The following TINAG variants were observed in gnomAD, a reference collection of about 807,000 sequenced individuals.
The protein encoded by TINAG is tubulointerstitial nephritis antigen.
TINAG carries 83 observed loss-of-function variants against 72.7 expected under a neutral mutation model. That is an observed-to-expected ratio of 1.14 (90% CI 0.96 to 1.37). The LOEUF is 1.37. TINAG is among the 40% of genes most tolerant of loss of function. TINAG has a pLI of 0.00. For synonymous variants in TINAG, 234 were observed against 189.9 expected, an observed-to-expected ratio of 1.23 and a Z score of -1.91; for missense variants, 685 against 576.6, an observed-to-expected ratio of 1.19 and a Z score of -1.93.
intron 4 of TINAG, among the ~76,000 whole-genome samples, chr6:54,333,843 T>C (rs1254461569): frequency 1.3e-5 from 2 of 152,144 alleles, no homozygotes; most frequent in Non-Finnish European, 2.9e-5. Context: ...ATAAAATAAA[T>C]GTTAGTATCT....
chr6:54,310,030 A>G (rs980475861), intron 1 of TINAG, among the ~76,000 whole-genome samples: 6 of 148,498 alleles, frequency 4.0e-5, no homozygotes, highest in Non-Finnish European at 7.5e-5. Flanking sequence ...CCCTCCCTCC[A>G]CACCTCCATC....
chr6:54,366,245 C>T (rs544927361), intron 9 of TINAG, among the ~76,000 whole-genome samples: 122 of 144,028 alleles, frequency 8.5e-4, no homozygotes, highest in African/African-American at 2.9e-3. Flanking sequence ...TATGCGTACA[C>T]GTACGTGTAT....
chr6:54,371,985 T>TTTTTTTTTTGTTTTTTTTTTTG (rs1763627661), intron 9 of TINAG, among the ~76,000 whole-genome samples: 5 of 83,416 alleles, frequency 6.0e-5, no homozygotes, highest in African/African-American at 2.7e-4. Flanking sequence ...AGTCATGTTT[T>TTTTTTTTTTGTTTTTTTTTTTG]TTTTTTTTTT....
intron 9 of TINAG, among the ~76,000 whole-genome samples, chr6:54,362,173 C>T (rs1763257552): frequency 6.6e-6 from 1 of 151,694 alleles, no homozygotes. Flanking sequence ...GTGGGTGAAA[C>T]AGTCTTCTAT....
chr6:54,332,381 T>C (rs1784762327), intron 4 of TINAG, among the ~76,000 whole-genome samples: 1 of 152,148 alleles, frequency 6.6e-6, no homozygotes, highest in Admixed American at 6.5e-5. Context: ...GATTCCCTAT[T>C]TAATAAATGG....
chr6:54,310,075 C>CTGTGTGTG (rs1403055772), intron 1 of TINAG, among the ~76,000 whole-genome samples: 15 of 47,266 alleles, frequency 3.2e-4, no homozygotes, highest in African/African-American at 7.9e-4. Context: ...CCTTTTTTTT[C>CTGTGTGTG]CGTGTGTGTG....
At chr6:54,385,531 A>G (rs367667120) in intron 10 of TINAG, among the ~76,000 whole-genome samples, 1 of 152,144 alleles carries the variant, frequency 6.6e-6, no homozygotes, top group Non-Finnish European at 1.5e-5. Flanking sequence ...ATTCAGGCTC[A>G]AAAGACTTCA....
intron 9 of TINAG, among the ~76,000 whole-genome samples, chr6:54,365,898 T>C (rs2150970934): frequency 6.6e-6 from 1 of 151,602 alleles, no homozygotes; most frequent in East Asian, 2.0e-4. Context: ...GGTGCAATGG[T>C]GTGTGTCTGT....
At chr6:54,373,616 G>A (rs1763694645) in intron 9 of TINAG, among the ~76,000 whole-genome samples, 1 of 151,944 alleles carries the variant, frequency 6.6e-6, no homozygotes, top group Non-Finnish European at 1.5e-5. Flanking sequence ...TTGGTTTTGT[G>A]GGCCATGGGG....
intron 4 of TINAG, among the ~76,000 whole-genome samples, chr6:54,335,183 G>A (rs1408467954): frequency 6.6e-6 from 1 of 152,046 alleles, no homozygotes; most frequent in East Asian, 1.9e-4. Context: ...TTATGTTCTA[G>A]AGAAAATGAT....
intron 9 of TINAG, among the ~76,000 whole-genome samples, chr6:54,357,429 C>T (rs1763087047): frequency 6.6e-6 from 1 of 151,916 alleles, no homozygotes; most frequent in Non-Finnish European, 1.5e-5. Context: ...CATTCTATGA[C>T]CTATTTGACA....
intron 9 of TINAG, among the ~76,000 whole-genome samples, chr6:54,356,196 T>A (rs113037868): frequency 2.0e-4 from 31 of 151,942 alleles, no homozygotes; most frequent in African/African-American, 7.5e-4. Flanking sequence ...AAAATGAAGA[T>A]ACACTCTCTA....
chr6:54,346,219 C>T (rs187888963), intron 5 of TINAG, among the ~76,000 whole-genome samples: 360 of 152,040 alleles, frequency 2.4e-3, no homozygotes, highest in Middle Eastern at 6.8e-3. Context: ...ATTAGTTTCC[C>T]TGGTCTATTA....
Position 54,366,093 on chromosome 6 carries a change from G to A in TINAG, c.1250+11457G>A, listed in dbSNP as rs181798582. ...TAAACAACTGTAGTAGAACTCTCAC[G>A]AAATACAACCCTCATACTTTTAAAA... On this transcript the variant is annotated intron_variant, in intron 9 of 10. Coordinates refer to ENST00000259782, the MANE Select transcript of TINAG (RefSeq NM_014464.4). 1.9e-3 allele frequency among the ~76,000 whole-genome samples: 291 copies of A among 151,662 alleles called. 1 individual carries two copies. Among genetic ancestry groups the A allele is most frequent in the African/African-American group, 6.7e-3 (278 of 41,466 alleles).
At chr6:54,313,374 C>T (rs138425148) in intron 1 of TINAG, among the ~76,000 whole-genome samples, 97 of 152,250 alleles carry the variant, frequency 6.4e-4, no homozygotes, top group African/African-American at 2.3e-3. Context: ...TCACCCCTCA[C>T]AGAACCTGCA....
intron 9 of TINAG, among the ~76,000 whole-genome samples, 179 bp from the exon 10 acceptor site, chr6:54,380,347 G>T (rs1026337700): frequency 2.0e-5 from 3 of 151,986 alleles, no homozygotes; most frequent in Non-Finnish European, 4.4e-5. Flanking sequence ...TAATGTTATG[G>T]TAAAGAAGAA....
intron 9 of TINAG, among the ~76,000 whole-genome samples, chr6:54,376,564 A>G (rs1195804412): frequency 2.0e-5 from 3 of 152,200 alleles, no homozygotes; most frequent in African/African-American, 4.8e-5. Context: ...ATTTAAAATC[A>G]TATGCAAATT....
At chr6:54,364,543 G>A (rs997149188) in intron 9 of TINAG, among the ~76,000 whole-genome samples, 3 of 151,268 alleles carry the variant, frequency 2.0e-5, no homozygotes, top group Non-Finnish European at 3.0e-5. Context: ...ATAATAGTTT[G>A]TCATGATAAT....
intron 10 of TINAG, among the ~76,000 whole-genome samples, chr6:54,383,745 G>T (rs1764016964): frequency 6.6e-6 from 1 of 152,078 alleles, no homozygotes; most frequent in South Asian, 2.1e-4. Flanking sequence ...TAGATGAAAA[G>T]ATGGAGAATT....
Sources: gnomAD v4.1 joint callset for allele counts (sites outside exome capture counted in the v4.1 genomes callset) on GRCh38, gnomAD v4.1.1 for gene constraint, MANE v1.5 for transcripts, NCBI Gene and HGNC (gene_info 2026-07-23, HGNC 2026-07-21) for gene names.